The following SKAP2 variants were observed in gnomAD, a reference collection of about 807,000 sequenced individuals.
The protein encoded by SKAP2 is src kinase associated phosphoprotein 2.
SKAP2 carries 28 observed loss-of-function variants against 54.9 expected under a neutral mutation model. The observed-to-expected ratio is 0.51, with a 90% CI of 0.38 to 0.70. SKAP2 has a LOEUF of 0.70. Ranked by LOEUF, SKAP2 falls within the 30% of genes least tolerant of loss-of-function variation. The pLI, the probability that SKAP2 is intolerant of heterozygous loss-of-function variation, is 0.00. For synonymous variants in SKAP2, 137 were observed against 134.3 expected, an observed-to-expected ratio of 1.02 and a Z score of -0.14; for missense variants, 356 against 424.1, an observed-to-expected ratio of 0.84 and a Z score of 1.41.
intron 4 of SKAP2, among the ~76,000 whole-genome samples, chr7:26,802,486 G>C (rs1322321016): frequency 2.0e-5 from 3 of 151,996 alleles, no homozygotes; most frequent in African/African-American, 7.2e-5. Flanking sequence ...GGTCAGGCTG[G>C]TCTCGAGCTC....
At chr7:26,683,250 A>G (rs75497443) in intron 11 of SKAP2, among the ~76,000 whole-genome samples, 5,556 of 152,296 alleles carry the variant, frequency 0.036, 333 homozygotes, top group African/African-American at 0.13. Context: ...TTTATTAAGT[A>G]GTTAACCAAA....
chr7:26,740,791 G>C (rs1235158248), intron 4 of SKAP2, among the ~76,000 whole-genome samples: 2 of 152,064 alleles, frequency 1.3e-5, no homozygotes, highest in East Asian at 3.9e-4. Flanking sequence ...TTCGAGACCA[G>C]CCTGGCCAAC....
At chr7:26,839,828 C>G (rs555605042) in intron 4 of SKAP2, among the ~76,000 whole-genome samples, 1 of 152,044 alleles carries the variant, frequency 6.6e-6, no homozygotes, top group South Asian at 2.1e-4. Flanking sequence ...TGCACACGGA[C>G]AGGTTTATAT....
At chr7:26,752,982 T>G (rs1376836986) in intron 4 of SKAP2, among the ~76,000 whole-genome samples, 1 of 152,210 alleles carries the variant, frequency 6.6e-6, no homozygotes, top group African/African-American at 2.4e-5. Context: ...CCTGGGTAAC[T>G]GAAAGGATTA....
chr7:26,835,408 C>G (rs1003428899), intron 4 of SKAP2, among the ~76,000 whole-genome samples: 2 of 151,956 alleles, frequency 1.3e-5, no homozygotes, highest in Non-Finnish European at 2.9e-5. Flanking sequence ...GACAAATTGT[C>G]TGTTTGCAGA....
chr7:26,847,891 T>C (rs1417304117), intron 3 of SKAP2: 1 of 152,244 alleles, frequency 6.6e-6, no homozygotes, highest in Non-Finnish European at 1.5e-5. Flanking sequence ...TCATTAATAC[T>C]GTTTCTTGTT....
intron 4 of SKAP2, among the ~76,000 whole-genome samples, chr7:26,838,803 T>C (rs1369189987): frequency 6.6e-6 from 1 of 152,202 alleles, no homozygotes; most frequent in African/African-American, 2.4e-5. Context: ...TTGAATATTG[T>C]AGCACGTAGT....
intron 9 of SKAP2, among the ~76,000 whole-genome samples, chr7:26,713,600 TG>T (rs1787356590): frequency 6.7e-6 from 1 of 148,918 alleles, no homozygotes; most frequent in African/African-American, 2.5e-5. Flanking sequence ...TGTTCTTTTT[TG>T]TTTTTTTTTT....
At chr7:26,707,822 G>C (rs1787198430) in intron 9 of SKAP2, among the ~76,000 whole-genome samples, 1 of 152,130 alleles carries the variant, frequency 6.6e-6, no homozygotes, top group Admixed American at 6.5e-5. Context: ...AAACCCCCAA[G>C]CCTGTCCAAT....
At chr7:26,789,695 A>G (rs1253684837) in intron 4 of SKAP2, among the ~76,000 whole-genome samples, 1 of 152,210 alleles carries the variant, frequency 6.6e-6, no homozygotes, top group Non-Finnish European at 1.5e-5. Flanking sequence ...GCTTGAATTC[A>G]GCAGGCATGC....
intron 4 of SKAP2, among the ~76,000 whole-genome samples, chr7:26,763,331 T>C (rs908379067): frequency 5.3e-5 from 8 of 152,168 alleles, no homozygotes; most frequent in Admixed American, 3.3e-4. Context: ...ATACAAAGTC[T>C]GAATTTTTTA....
intron 3 of SKAP2, 115 bp downstream of exon 3, chr7:26,854,022 T>A: frequency 2.9e-6 from 2 of 688,218 alleles, no homozygotes; most frequent in South Asian, 1.9e-5. Flanking sequence ...AAGTACACAT[T>A]ACGGAAATCT....
intron 4 of SKAP2, among the ~76,000 whole-genome samples, chr7:26,752,222 C>T (rs1404240573): frequency 6.6e-6 from 1 of 151,976 alleles, no homozygotes; most frequent in African/African-American, 2.4e-5. Flanking sequence ...TGAGCCATTG[C>T]CCATAAGATA....
In SKAP2 at chr7:26,750,484, T is replaced by C. The variant is rs1782658302; in HGVS notation, c.308-10520A>G. Among the ~76,000 whole-genome samples the C allele has an allele frequency of 2.6e-5, 4 of 151,902 alleles. 1 individual carries two copies. The South Asian group carries it at 8.3e-4, about 32-fold the overall frequency. ...CGCTACCATGCCCAACTAATTTTTG[T>C]ATCTGTAGTAGAGATGGGGTTTCAC... On this transcript the variant is annotated intron_variant, in intron 4 of 12. Coordinates refer to ENST00000345317, the MANE Select transcript of SKAP2 (RefSeq NM_003930.5).
intron 4 of SKAP2, among the ~76,000 whole-genome samples, chr7:26,745,493 T>C (rs1782542368): frequency 1.3e-5 from 2 of 152,202 alleles, no homozygotes; most frequent in Admixed American, 1.3e-4. Flanking sequence ...GGCCACCTCC[T>C]GGGGGGAGAT....
At position 26,798,597 on chromosome 7, in the gene SKAP2, TACACAGAAAA is replaced by T. The variant is rs564611120; in HGVS notation, c.307+45423_307+45432del. On this transcript the variant is annotated intron_variant, in intron 4 of 12. Transcript: ENST00000345317. ...TACAAAACTCACTAGTCACAGTAAG[TACACAGAAAA>T]ACACAGAATAGTATCACACTGTAAC... 3.2e-3 allele frequency among the ~76,000 whole-genome samples: 492 copies of T among 152,280 alleles called. 1 individual carries two copies. Among genetic ancestry groups the T allele is most frequent in the Non-Finnish European group, 5.5e-3 (371 of 68,016 alleles).
chr7:26,748,892 C>G (rs1046641917), intron 4 of SKAP2, among the ~76,000 whole-genome samples: 2 of 152,106 alleles, frequency 1.3e-5, no homozygotes, highest in African/African-American at 2.4e-5. Context: ...AGGATAGCTA[C>G]CAGCTCTGTG....
chr7:26,706,265 C>T (rs116815701), intron 9 of SKAP2, among the ~76,000 whole-genome samples: 2,404 of 152,126 alleles, frequency 0.016, 62 homozygotes, highest in African/African-American at 0.055. Context: ...ATTTTGACCT[C>T]CCAAAACAAA....
chr7:26,792,486 A>C (rs1783690901), intron 4 of SKAP2, among the ~76,000 whole-genome samples: 1 of 152,228 alleles, frequency 6.6e-6, no homozygotes, highest in African/African-American at 2.4e-5. Context: ...AAACACATTA[A>C]TAATTTAGTC....
Sources: gnomAD v4.1 joint callset for allele counts (sites outside exome capture counted in the v4.1 genomes callset) on GRCh38, gnomAD v4.1.1 for gene constraint, MANE v1.5 for transcripts, NCBI Gene and HGNC (gene_info 2026-07-23, HGNC 2026-07-21) for gene names.